The following GRIN2A variants were observed in gnomAD, a reference collection of about 807,000 sequenced individuals.
GRIN2A encodes glutamate ionotropic receptor NMDA type subunit 2A, also known as glutamate receptor ionotropic, NMDA 2A.
Under a neutral mutation model 113.4 loss-of-function variants are expected in GRIN2A, and 22 were observed. The observed-to-expected ratio is 0.19, with a 90% CI of 0.14 to 0.28. The LOEUF is 0.28. GRIN2A is among the 10% of genes least tolerant of loss of function. GRIN2A has a pLI of 1.00. For missense variants in GRIN2A, 1,502 were observed against 1,887.0 expected, an observed-to-expected ratio of 0.80 and a Z score of 3.78; for synonymous variants, 827 against 738.4, an observed-to-expected ratio of 1.12 and a Z score of -1.94.
intron 2 of GRIN2A, among the ~76,000 whole-genome samples, chr16:10,095,136 G>C (rs1262103312): frequency 2.0e-5 from 3 of 152,114 alleles, no homozygotes; most frequent in Admixed American, 6.6e-5. Flanking sequence ...GGCCATATGA[G>C]CACACAGAGA....
intron 3 of GRIN2A, among the ~76,000 whole-genome samples, chr16:9,913,865 G>T (rs1433287470): frequency 2.0e-5 from 3 of 152,016 alleles, no homozygotes; most frequent in African/African-American, 4.8e-5. Flanking sequence ...ATAACGTTTG[G>T]GCTTGAAGTT....
chr16:9,805,490 C>A (rs1345055271), intron 10 of GRIN2A: 2 of 152,104 alleles, frequency 1.3e-5, no homozygotes, highest in African/African-American at 4.8e-5. Flanking sequence ...TCAAACCAAA[C>A]CCTTGCCAGG....
chr16:9,935,665 C>T lies in GRIN2A; in HGVS notation c.1007+2294G>A, dbSNP rs77974667. 7.4e-3 allele frequency among the ~76,000 whole-genome samples: 1,122 copies of T among 152,012 alleles called. 15 individuals carry two copies. Among genetic ancestry groups the T allele is most frequent in the African/African-American group, 0.025 (1,053 of 41,442 alleles). Reference sequence around the variant, plus strand: ...GACATAGTACCCTGCTGGTAATAAACCAACATGGTTTGTTGACTGTATTTC... The same window carrying T: ...GACATAGTACCCTGCTGGTAATAAATCAACATGGTTTGTTGACTGTATTTC... On this transcript the variant is annotated intron_variant, in intron 3 of 12. Coordinates refer to ENST00000330684, the MANE Select transcript of GRIN2A (RefSeq NM_001134407.3).
chr16:9,917,176 C>T (rs1470383867), intron 3 of GRIN2A, among the ~76,000 whole-genome samples: 2 of 152,220 alleles, frequency 1.3e-5, no homozygotes, highest in African/African-American at 4.8e-5. Flanking sequence ...TGCAAAGAGG[C>T]AAGAGGTGTG....
chr16:9,841,142 CTGGA>C (rs1248651382), intron 5 of GRIN2A, 38 bp from the exon 6 acceptor site: 1 of 1,540,988 alleles, frequency 6.5e-7, no homozygotes, highest in African/African-American at 1.4e-5. Context: ...AATGTTAGCA[CTGGA>C]AGGTTTGTTC....
At chr16:10,106,662 A>G (rs1193567684) in intron 2 of GRIN2A, among the ~76,000 whole-genome samples, 1 of 152,228 alleles carries the variant, frequency 6.6e-6, no homozygotes, top group Admixed American at 6.5e-5. Context: ...GAGAATGCAC[A>G]TAAGAAAAAG....
chr16:9,780,246 A>G (rs992262316), intron 11 of GRIN2A, among the ~76,000 whole-genome samples: 1 of 152,218 alleles, frequency 6.6e-6, no homozygotes, highest in African/African-American at 2.4e-5. Flanking sequence ...TTACCCAGCA[A>G]TTTCATTCCT....
At chr16:9,766,814 A>T (rs1272547709) in intron 12 of GRIN2A, among the ~76,000 whole-genome samples, 1 of 152,214 alleles carries the variant, frequency 6.6e-6, no homozygotes, top group Non-Finnish European at 1.5e-5. Context: ...CTTCTCCCCT[A>T]GGGATGGAGA....
Position 9,757,372 on chromosome 16 carries a change from T to A in GRIN2A, c.*5777A>T, listed in dbSNP as rs1900390940. On this transcript the variant is annotated 3_prime_UTR_variant, in exon 13 of 13. Coordinates refer to ENST00000330684, the MANE Select transcript of GRIN2A (RefSeq NM_001134407.3). The stretch of plus-strand genomic sequence containing the variant: ...TTAGGGAAGGACTTTTTTTTTTTTT[T>A]TAAAAAAGGTATGCTCATAGAATCA... The A allele has an allele frequency of 5.8e-5, 13 of 225,448 alleles. No homozygotes were observed. In the East Asian group the frequency reaches 7.2e-4, roughly 12 times the overall value. 14.0% of individuals were successfully genotyped at this position (225,448 alleles called of 1,614,324 possible).
chr16:9,821,727 T>A (rs962153763), intron 10 of GRIN2A, among the ~76,000 whole-genome samples: 1 of 152,126 alleles, frequency 6.6e-6, no homozygotes, highest in South Asian at 2.1e-4. Context: ...AGCTATGGAG[T>A]CTGTGTTACA....
chr16:9,984,018 A>T (rs1438002308), intron 2 of GRIN2A, among the ~76,000 whole-genome samples: 4 of 152,196 alleles, frequency 2.6e-5, no homozygotes, highest in Non-Finnish European at 4.4e-5. Context: ...TCCCACCAGC[A>T]ATGTATACTA....
chr16:9,887,994 G>T (rs2043618396), intron 4 of GRIN2A, among the ~76,000 whole-genome samples: 2 of 152,224 alleles, frequency 1.3e-5, no homozygotes, highest in Admixed American at 1.3e-4. Context: ...AGGCTGGAGT[G>T]CAGTAGCTCA....
At chr16:10,047,134 T>A (rs559571529) in intron 2 of GRIN2A, among the ~76,000 whole-genome samples, 1 of 152,224 alleles carries the variant, frequency 6.6e-6, no homozygotes, top group Non-Finnish European at 1.5e-5. Flanking sequence ...TTGAAAACCA[T>A]TGGTGTACAC....
chr16:9,841,778 A>C (rs2042684033), intron 5 of GRIN2A, among the ~76,000 whole-genome samples: 1 of 152,336 alleles, frequency 6.6e-6, no homozygotes, highest in East Asian at 1.9e-4. Flanking sequence ...GTATAAAAGG[A>C]GACACTTCTA....
chr16:10,118,682 T>C (rs536421292), intron 2 of GRIN2A, among the ~76,000 whole-genome samples: 2 of 152,270 alleles, frequency 1.3e-5, no homozygotes, highest in East Asian at 3.9e-4. Flanking sequence ...TTTTCCCAGC[T>C]CCATCTTAAA....
intron 10 of GRIN2A, among the ~76,000 whole-genome samples, chr16:9,808,027 C>T (rs1422206308): frequency 6.6e-6 from 1 of 152,198 alleles, no homozygotes; most frequent in African/African-American, 2.4e-5. Context: ...TGGAATGCTA[C>T]TCTTTATAGA....
intron 2 of GRIN2A, among the ~76,000 whole-genome samples, chr16:10,176,348 G>C (rs568017747): frequency 6.6e-6 from 1 of 152,180 alleles, no homozygotes; most frequent in South Asian, 2.1e-4. Context: ...ACTACCCAAT[G>C]ATGCGAGCAA....
At chr16:9,834,414 C>G (rs1428063676) in intron 7 of GRIN2A, among the ~76,000 whole-genome samples, 184 bp from the exon 8 acceptor site, 1 of 152,172 alleles carries the variant, frequency 6.6e-6, no homozygotes, top group Admixed American at 6.5e-5. Flanking sequence ...GCTTCACTCT[C>G]TGTGTCACCC....
intron 3 of GRIN2A, among the ~76,000 whole-genome samples, chr16:9,899,615 T>TA (rs751866181): frequency 5.3e-5 from 8 of 151,930 alleles, no homozygotes; most frequent in Non-Finnish European, 1.2e-4. Context: ...TGTGGTCAAT[T>TA]AAAAAAATAA....
Sources: gnomAD v4.1 joint callset for allele counts (sites outside exome capture counted in the v4.1 genomes callset) on GRCh38, gnomAD v4.1.1 for gene constraint, MANE v1.5 for transcripts, NCBI Gene and HGNC (gene_info 2026-07-23, HGNC 2026-07-21) for gene names.